BRWD3: variants seen among roughly 807,000 people sequenced by gnomAD.
BRWD3 encodes bromodomain and WD repeat domain containing 3.
In BRWD3, 10 loss-of-function variants were observed where a neutral mutation model predicts 149.7. That is an observed-to-expected ratio of 0.07 (90% CI 0.04 to 0.11). BRWD3 has a LOEUF of 0.11. BRWD3 is among the 10% of genes least tolerant of loss of function. The probability of loss-of-function intolerance (pLI) is 1.00; values close to 1 mark genes in which losing one functional copy is unlikely to be tolerated. For synonymous variants in BRWD3, 504 were observed against 456.7 expected, an observed-to-expected ratio of 1.10 and a Z score of -1.32; for missense variants, 940 against 1,373.2, an observed-to-expected ratio of 0.68 and a Z score of 4.99.
intron 14 of BRWD3, among the ~76,000 whole-genome samples, chrX:80,726,739 T>C (rs2147763965): frequency 9.0e-6 from 1 of 111,253 alleles, no homozygotes; most frequent in South Asian, 3.7e-4. Flanking sequence ...AATATAACTT[T>C]AGACTGGCTC....
Position 80,674,071 on chromosome X carries a change from C to T in BRWD3, c.*2538G>A, listed in dbSNP as rs1468124786. ...TTTTCACACTTATTAAAATAATTTG[C>T]ATGCAAACAGAAAATTATCTGTTTG... On this transcript the variant is annotated 3_prime_UTR_variant, in exon 41 of 41. Coordinates refer to ENST00000373275, the MANE Select transcript of BRWD3 (RefSeq NM_153252.5). 1 of 111,500 alleles carries T rather than the reference C, an allele frequency of 9.0e-6. No individual in the cohort carries two copies. Among genetic ancestry groups the T allele is most frequent in the Non-Finnish European group, 1.9e-5 (1 of 52,890 alleles). The allele number at this position is 111,500 out of a possible 1,213,427, so 9.2% of individuals were successfully genotyped here.
intron 6 of BRWD3, among the ~76,000 whole-genome samples, chrX:80,769,731 A>G (rs1290555163): frequency 9.1e-6 from 1 of 110,174 alleles, no homozygotes; most frequent in African/African-American, 3.3e-5. Flanking sequence ...GAAGGCAAGA[A>G]ATAACTAAGA....
rs923550867 is a variant in BRWD3, at chrX:80,716,221, C to G, written c.2261G>C (p.Gly754Ala). 11 of 1,209,673 alleles carry G rather than the reference C, an allele frequency of 9.1e-6. No homozygotes were observed. The highest frequency in any genetic ancestry group is 1.2e-5 in the Non-Finnish European group (11 of 893,980). The stretch of plus-strand genomic sequence containing the variant: ...TGTATAAAGACTGATTTCTATGTCA[C>G]CTTTTGCAGTTCGACATTCTTCCTG... ...RVQEECRTAKGDIEISLYTVE... is the reference protein window; with the variant it reads ...RVQEECRTAKADIEISLYTVE... The change falls in exon 20 of 41, where the codon GGT becomes GCT. Residue 754 changes from glycine (G) to alanine (A), a missense_variant. By Grantham distance (60) the Gly-to-Ala change is moderately conservative. Transcript: ENST00000373275.
chrX:80,709,898 G>A, intron 20 of BRWD3: 1 of 680,016 alleles, frequency 1.5e-6, no homozygotes, highest in South Asian at 2.4e-5. Flanking sequence ...TTTTGCCAGA[G>A]GCTGCAACCA....
intron 17 of BRWD3, among the ~76,000 whole-genome samples, chrX:80,721,832 A>C (rs188074578): frequency 9.0e-4 from 100 of 111,661 alleles, no homozygotes; most frequent in African/African-American, 3.2e-3. Context: ...AGCTACCTCC[A>C]GCTGCGGGGT....
Position 80,704,836 on chromosome X carries a change from TTGA to T in BRWD3, c.2560_2562del (p.Ser855del), listed in dbSNP as rs1301923116. 8.3e-7 allele frequency: 1 copy of T among 1,206,587 alleles called. No individual in the cohort carries two copies. The highest frequency in any genetic ancestry group is 1.7e-5 in the African/African-American group (1 of 57,230). ...TCTGCTGTCCAATCAGAATATTCAC[TTGA>T]TGAGTCACTGTAAATAAATCAAAAT... is the stretch of plus-strand genomic sequence containing the variant. On this transcript the variant is annotated inframe_deletion, in exon 23 of 41. Transcript: ENST00000373275.
intron 21 of BRWD3, among the ~76,000 whole-genome samples, chrX:80,708,150 C>T (rs2072896174): frequency 1.8e-5 from 2 of 111,907 alleles, no homozygotes; most frequent in Admixed American, 1.9e-4. Flanking sequence ...AATCCCAGCA[C>T]TTTGGAAGGC....
intron 25 of BRWD3, among the ~76,000 whole-genome samples, chrX:80,697,500 A>G (rs1316991001): frequency 9.0e-6 from 1 of 110,546 alleles, no homozygotes; most frequent in Non-Finnish European, 1.9e-5. Flanking sequence ...GGAGTCCCCA[A>G]TGTCTATCAT....
intron 8 of BRWD3, among the ~76,000 whole-genome samples, chrX:80,741,744 T>G (rs1181326065): frequency 8.9e-6 from 1 of 112,046 alleles, no homozygotes; most frequent in Non-Finnish European, 1.9e-5. Flanking sequence ...TTCGCCTACT[T>G]TTTGACGGGG....
chrX:80,678,562 TAA>T (rs781353489), intron 40 of BRWD3, among the ~76,000 whole-genome samples: 1 of 111,371 alleles, frequency 9.0e-6, no homozygotes, highest in African/African-American at 3.3e-5. Context: ...AAATTTTCAG[TAA>T]AGAGATAATA....
intron 8 of BRWD3, among the ~76,000 whole-genome samples, chrX:80,743,188 G>T (rs897747369): frequency 1.1e-3 from 122 of 111,551 alleles, no homozygotes; most frequent in Middle Eastern, 9.3e-3. Context: ...GTTTATATGC[G>T]GGATTATGTT....
chrX:80,730,242 C>T, intron 12 of BRWD3, among the ~76,000 whole-genome samples: 1 of 109,627 alleles, frequency 9.1e-6, no homozygotes, highest in East Asian at 2.8e-4. Flanking sequence ...GTAATGAAAA[C>T]ATAAGTCCAC....
rs923862158 is a variant in BRWD3, at chrX:80,670,537, C to T, written c.*6072G>A. Among the ~76,000 whole-genome samples, 48 of 109,738 alleles carry T rather than the reference C, an allele frequency of 4.4e-4. No homozygotes were observed. Among genetic ancestry groups the T allele is most frequent in the African/African-American group, 1.5e-3 (45 of 30,081 alleles). On this transcript the variant is annotated 3_prime_UTR_variant, in exon 41 of 41. Transcript: ENST00000373275. ...CTCGAGTGATCCTCCCACCTGTCTCCCAAGTACCTGGGACTTACAGGCACA... is the reference window on the plus strand; with the variant it reads ...CTCGAGTGATCCTCCCACCTGTCTCTCAAGTACCTGGGACTTACAGGCACA...
At chrX:80,747,504 G>C (rs1434590805) in intron 6 of BRWD3, among the ~76,000 whole-genome samples, 2 of 83,666 alleles carry the variant, frequency 2.4e-5, no homozygotes, top group Non-Finnish European at 4.3e-5. Flanking sequence ...CCAATAGAAG[G>C]GGAAAAAAAA....
chrX:80,771,360 G>T (rs1426943286), intron 6 of BRWD3, among the ~76,000 whole-genome samples: 1 of 111,434 alleles, frequency 9.0e-6, no homozygotes, highest in Non-Finnish European at 1.9e-5. Context: ...ATACTACAAG[G>T]CTACAATAAC....
At chrX:80,712,837 C>T (rs1383442935) in intron 20 of BRWD3, among the ~76,000 whole-genome samples, 5 of 106,299 alleles carry the variant, frequency 4.7e-5, no homozygotes, top group Admixed American at 9.8e-5. Flanking sequence ...TCTGCCCAGC[C>T]GCCCCGTCTG....
At position 80,723,714 on chromosome X, in the gene BRWD3, A is replaced by C. The variant is rs1602353267; in HGVS notation, c.1650+34T>G. The C allele has an allele frequency of 2.5e-6, 3 of 1,203,691 alleles. 1 individual carries two copies. The Admixed American group carries it at 6.6e-5, about 26-fold the overall frequency. On this transcript the variant is annotated intron_variant, in intron 16 of 40. Coordinates refer to ENST00000373275, the MANE Select transcript of BRWD3 (RefSeq NM_153252.5). ...AAATTTGTGAATGACACAATCCTAAATTATACTCTACAGCAAAATTTAAAT... is the reference window on the plus strand; with the variant it reads ...AAATTTGTGAATGACACAATCCTAACTTATACTCTACAGCAAAATTTAAAT...
chrX:80,756,906 G>A (rs754084875), intron 6 of BRWD3, among the ~76,000 whole-genome samples: 4 of 111,989 alleles, frequency 3.6e-5, no homozygotes, highest in African/African-American at 1.3e-4. Context: ...TCTATCAAAT[G>A]CCACTGAGTG....
intron 6 of BRWD3, among the ~76,000 whole-genome samples, chrX:80,758,604 T>C (rs1266553905): frequency 3.6e-5 from 4 of 110,900 alleles, no homozygotes; most frequent in Non-Finnish European, 5.7e-5. Context: ...TTTATCTCTC[T>C]CTGTGTAATT....
Sources: allele counts gnomAD v4.1 joint callset (sites outside exome capture counted in the v4.1 genomes callset), GRCh38; gene constraint gnomAD v4.1.1; transcripts MANE v1.5; gene names NCBI Gene and HGNC (gene_info 2026-07-23, HGNC 2026-07-21).